Variants in DNAJA2 observed in about 807,000 individuals in gnomAD.
DNAJA2 encodes the protein dnaJ homolog subfamily A member 2.
DNAJA2 carries 6 observed loss-of-function variants against 49.3 expected under a neutral mutation model. The ratio of observed to expected loss-of-function variants is 0.12; its 90% CI spans 0.07 to 0.24. DNAJA2 has a LOEUF of 0.24. Among genes scored for constraint, DNAJA2 ranks in the 10% least tolerant of loss-of-function variants. The pLI is 1.00. For synonymous variants in DNAJA2, 160 were observed against 172.7 expected (o/e 0.93, Z 0.58); for missense variants, 347 against 516.8 (o/e 0.67, Z 3.19).
rs563850893 is a variant in DNAJA2 at position 46,956,826 on chromosome 16, G to T, written c.*203C>A. 6.8e-6 allele frequency: 4 copies of T among 587,946 alleles called. No homozygotes were observed. In the African/African-American group the frequency reaches 7.5e-5, roughly 11 times the overall value. The allele number at this position is 587,946 out of a possible 1,614,324, so 36.4% of individuals were successfully genotyped here. ...CTTTCAAGTGCTTTATTCTGCTATG[G>T]AACAGTCAAAATGAAGATGTAAAGC... On this transcript the variant is annotated 3_prime_UTR_variant, in exon 9 of 9. Coordinates refer to ENST00000317089, the MANE Select transcript of DNAJA2 (RefSeq NM_005880.4).
In DNAJA2 at chr16:46,967,497, G is replaced by C; in HGVS notation, c.577+16C>G. On this transcript the variant is annotated intron_variant, in intron 5 of 8. Transcript: ENST00000317089. ...TCCATTCCAACATAAAAGCAGAGAA[G>C]TACTGGCACACATACCTTCTCCATT... is the stretch of plus-strand genomic sequence containing the variant. The C allele has an allele frequency of 1.2e-6, 2 of 1,613,748 alleles. No individual in the cohort carries two copies. The highest frequency in any genetic ancestry group is 1.7e-6 in the Non-Finnish European group (2 of 1,179,884).
At position 46,955,393 on chromosome 16, in the gene DNAJA2, A is replaced by G. The variant is rs1266912398; in HGVS notation, c.*1636T>C. The G allele has an allele frequency of 6.6e-6, 1 of 152,244 alleles. No individual in the cohort carries two copies. Among genetic ancestry groups the G allele is most frequent in the Non-Finnish European group, 1.5e-5 (1 of 68,044 alleles). The allele number at this position is 152,244 out of a possible 1,614,324, so 9.4% of individuals were successfully genotyped here. On this transcript the variant is annotated 3_prime_UTR_variant, in exon 9 of 9. Transcript: ENST00000317089. Reference sequence around the variant, plus strand: ...TTTATAAACCTTTATTGGAAAGGCTACAAACTTTATATTGCCACCACATTT... The same window carrying G: ...TTTATAAACCTTTATTGGAAAGGCTGCAAACTTTATATTGCCACCACATTT...
chr16:46,955,547 A>G lies in DNAJA2; in HGVS notation c.*1482T>C, dbSNP rs1961796886. ...TAGAGTGGATAGGTCAATAATTTAAACCTCACAGGACTTGATTAGTGTCAG... is the reference window on the plus strand; with the variant it reads ...TAGAGTGGATAGGTCAATAATTTAAGCCTCACAGGACTTGATTAGTGTCAG... On this transcript the variant is annotated 3_prime_UTR_variant, in exon 9 of 9. Coordinates refer to ENST00000317089, the MANE Select transcript of DNAJA2 (RefSeq NM_005880.4). 2 of 152,112 alleles carry G rather than the reference A, an allele frequency of 1.3e-5. No homozygotes were observed. Among genetic ancestry groups the G allele is most frequent in the South Asian group, 4.1e-4 (2 of 4,820 alleles). The allele number at this position is 152,112 out of a possible 1,614,324, so 9.4% of individuals were successfully genotyped here.
intron 5 of DNAJA2, among the ~76,000 whole-genome samples, chr16:46,965,833 A>C (rs1379397265): frequency 7.2e-6 from 1 of 138,392 alleles, no homozygotes; most frequent in African/African-American, 2.7e-5. Context: ...TCCGTCTCAC[A>C]AAAAAAAAAA....
chr16:46,960,518 C>T (rs1233888570), intron 6 of DNAJA2, among the ~76,000 whole-genome samples: 2 of 152,178 alleles, frequency 1.3e-5, no homozygotes, highest in Non-Finnish European at 2.9e-5. Flanking sequence ...CAGTGGCTCA[C>T]ACCTGTAATC....
chr16:46,971,295 T>A, intron 3 of DNAJA2, 54 bp downstream of exon 3: 4 of 1,505,920 alleles, frequency 2.7e-6, no homozygotes, highest in Non-Finnish European at 3.6e-6. Flanking sequence ...TGAGTCATTA[T>A]CCCACTTGAC....
Position 46,956,376 on chromosome 16 carries a change from A to G in DNAJA2, c.*653T>C, listed in dbSNP as rs1205746592. The G allele has an allele frequency of 6.6e-6, 1 of 152,254 alleles. No individual in the cohort carries two copies. Among genetic ancestry groups the G allele is most frequent in the Non-Finnish European group, 1.5e-5 (1 of 68,034 alleles). 9.4% of individuals were successfully genotyped at this position (152,254 alleles called of 1,614,324 possible). ...TTTTTCCTTCTAAAAATGTGACACA[A>G]AAGAATAATTTACACCAACCGCTTT... On this transcript the variant is annotated 3_prime_UTR_variant, in exon 9 of 9. Transcript: ENST00000317089.
Position 46,956,904 on chromosome 16 carries a change from G to T in DNAJA2, c.*125C>A. ...TGTAGATACTATACCAATTTTAAAA[G>T]TTATACATAGACCAACAGATGTCCC... On this transcript the variant is annotated 3_prime_UTR_variant, in exon 9 of 9. Coordinates refer to ENST00000317089, the MANE Select transcript of DNAJA2 (RefSeq NM_005880.4). The T allele has an allele frequency of 1.9e-6, 2 of 1,058,050 alleles. No homozygotes were observed. Among genetic ancestry groups the T allele is most frequent in the Non-Finnish European group, 2.9e-6 (2 of 698,588 alleles). 65.5% of individuals were successfully genotyped at this position (1,058,050 alleles called of 1,614,324 possible).
intron 6 of DNAJA2, among the ~76,000 whole-genome samples, chr16:46,962,528 A>G (rs1374481708): frequency 6.6e-6 from 1 of 152,200 alleles, no homozygotes; most frequent in African/African-American, 2.4e-5. Flanking sequence ...GTACCATTTT[A>G]CAACACAGTC....
chr16:46,964,660 C>G lies in DNAJA2; in HGVS notation c.725G>C (p.Gly242Ala). The G allele has an allele frequency of 1.2e-6, 2 of 1,614,116 alleles. No homozygotes were observed. Among genetic ancestry groups the G allele is most frequent in the African/African-American group, 2.7e-5 (2 of 75,042 alleles). Residue 242 changes from glycine (G) to alanine (A), a missense_variant, in exon 6 of 9, where the codon GGA becomes GCA. Transcript: ENST00000317089. The part of the protein sequence containing the change: ...TFTGEADQAP[G>A]VEPGDIVLLL... ...AAGAACAATGTCTCCGGGTTCCACT[C>G]CTGGGGCCTGGTCTGCTTCCCCAGT...
chr16:46,961,783 A>G (rs1210389960), intron 6 of DNAJA2, among the ~76,000 whole-genome samples: 1 of 152,146 alleles, frequency 6.6e-6, no homozygotes, highest in Non-Finnish European at 1.5e-5. Flanking sequence ...TCTGAAAAAC[A>G]AGATTAATGA....
chr16:46,970,730 CAAAA>C lies in DNAJA2; in HGVS notation c.362+615_362+618del, dbSNP rs10523905. Among the ~76,000 whole-genome samples the C allele has an allele frequency of 1.3e-3, 41 of 32,200 alleles. 1 individual carries two copies. Among genetic ancestry groups the C allele is most frequent in the East Asian group, 4.2e-3 (4 of 944 alleles). The allele number at this position is 32,200 out of a possible 152,430, so 21.1% of individuals were successfully genotyped here. On this transcript the variant is annotated intron_variant, in intron 3 of 8. Transcript: ENST00000317089. ...AACCCGGGCGACAGGGACTCCATTT[CAAAA>C]AAAAAAAAAAAAAAAAAAAAAAGGT... is the stretch of plus-strand genomic sequence containing the variant.
At position 46,967,634 on chromosome 16, in the gene DNAJA2, C is replaced by A. The variant is rs751026855; in HGVS notation, c.456G>T (p.Lys152Asn). 1 of 1,614,208 alleles carries A rather than the reference C, an allele frequency of 6.2e-7. No individual in the cohort carries two copies. The highest frequency in any genetic ancestry group is 8.5e-7 in the Non-Finnish European group (1 of 1,180,042). The stretch of plus-strand genomic sequence containing the variant: ...CACTACACTTTTGGACAGCTCCAGA[C>A]TTTCCGCCTTGGCTAAAGCAAGCAC... ...LCSACSGQGG[K>N]SGAVQKCSAC... is the part of the protein sequence containing the mutation. Residue 152 changes from lysine to asparagine, a missense_variant, in exon 5 of 9, where the codon AAG becomes AAT. Physicochemically the swap from Lys to Asn is moderately conservative, Grantham distance 94. Transcript: ENST00000317089.
chr16:46,957,869 C>A (rs1484565198), intron 8 of DNAJA2, among the ~76,000 whole-genome samples: 1 of 152,100 alleles, frequency 6.6e-6, no homozygotes, highest in Non-Finnish European at 1.5e-5. Flanking sequence ...GGAACCTGTT[C>A]TCTCCAGGGA....
chr16:46,966,983 C>T (rs1961980885), intron 5 of DNAJA2, among the ~76,000 whole-genome samples: 1 of 152,210 alleles, frequency 6.6e-6, no homozygotes, highest in South Asian at 2.1e-4. Flanking sequence ...CACCTTGCTC[C>T]TCTTTTCTGA....
chr16:46,958,889 A>T, intron 8 of DNAJA2, 114 bp downstream of exon 8: 2 of 1,196,064 alleles, frequency 1.7e-6, no homozygotes, highest in Non-Finnish European at 2.3e-6. Context: ...GGCTGCAGTG[A>T]GCCACGATCA....
rs553853237 is a variant in DNAJA2 at position 46,960,341 on chromosome 16, G to A, written c.775-922C>T. ...ACAAGGCAGGCAAGATCCAGCATCT[G>A]TAGTCCTAACAAGCCCTCCAGGCAA... On this transcript the variant is annotated intron_variant, in intron 6 of 8. Coordinates refer to ENST00000317089, the MANE Select transcript of DNAJA2 (RefSeq NM_005880.4). 2.0e-5 allele frequency among the ~76,000 whole-genome samples: 3 copies of A among 152,348 alleles called. No individual in the cohort carries two copies. In the East Asian group the frequency reaches 5.8e-4, roughly 29 times the overall value.
In DNAJA2 at chr16:46,957,192, G is replaced by A. The variant is rs749578018; in HGVS notation, c.1076C>T (p.Pro359Leu). The A allele has an allele frequency of 8.7e-6, 14 of 1,608,722 alleles. No individual in the cohort carries two copies. The highest frequency in any genetic ancestry group is 3.3e-5 in the South Asian group (3 of 90,208). The change falls in exon 9 of 9, where the codon CCG becomes CTG. Residue 359 changes from proline (P) to leucine (L), a missense_variant. By Grantham distance (98) the Pro-to-Leu change is moderately conservative. Transcript: ENST00000317089. ...TTCTCCAATTATGTTAGGAACTTCC[G>A]GTCTAGATGGCAGAAGATCTTCTAG... ...SELEDLLPSR[P>L]EVPNIIGETE...
intron 5 of DNAJA2, among the ~76,000 whole-genome samples, 183 bp downstream of exon 5, chr16:46,967,330 C>T (rs1961986395): frequency 6.6e-6 from 1 of 152,086 alleles, no homozygotes; most frequent in South Asian, 2.1e-4. Context: ...CTCCTGGGCT[C>T]GAGCAATCCA....
Sources: gnomAD v4.1 joint callset for allele counts (sites outside exome capture counted in the v4.1 genomes callset) on GRCh38, gnomAD v4.1.1 for gene constraint, MANE v1.5 for transcripts, NCBI Gene and HGNC (gene_info 2026-07-23, HGNC 2026-07-21) for gene names.